Variants in BICD1 observed in about 807,000 individuals in gnomAD.
BICD1 encodes protein bicaudal D homolog 1.
BICD1 carries 35 observed loss-of-function variants against 92.5 expected under a neutral mutation model. The ratio of observed to expected loss-of-function variants is 0.38; its 90% CI spans 0.29 to 0.50. The LOEUF (loss-of-function observed/expected upper bound fraction) is 0.50, where lower values mean the gene tolerates loss of function less well. Ranked by LOEUF, BICD1 falls within the 20% of genes least tolerant of loss-of-function variation. The pLI is 0.93. For synonymous variants in BICD1, 429 were observed against 465.1 expected (o/e 0.92, Z 1.00); for missense variants, 950 against 1,189.8 (o/e 0.80, Z 2.97).
chr12:32,262,586 A>G (rs1946886091), intron 2 of BICD1, among the ~76,000 whole-genome samples: 2 of 152,358 alleles, frequency 1.3e-5, no homozygotes, highest in South Asian at 4.1e-4. Context: ...TGCCAATGTA[A>G]TTAAGATAAG....
intron 1 of BICD1, among the ~76,000 whole-genome samples, chr12:32,172,591 A>G (rs1480865950): frequency 6.6e-6 from 1 of 152,178 alleles, no homozygotes; most frequent in Non-Finnish European, 1.5e-5. Context: ...AGGAGTGGAA[A>G]GCTCCCAAGA....
intron 1 of BICD1, among the ~76,000 whole-genome samples, chr12:32,116,684 AT>A (rs60228795): frequency 0.38 from 56,344 of 146,846 alleles, 10,882 homozygotes; most frequent in Middle Eastern, 0.46. Flanking sequence ...TATGCTGGCT[AT>A]TTTTTTTTTT....
rs189526960 is a variant in BICD1 at position 32,371,313 on chromosome 12, T to A, written c.2840+3568T>A. 6.4e-4 allele frequency among the ~76,000 whole-genome samples: 98 copies of A among 152,296 alleles called. 2 individuals carry two copies. Among genetic ancestry groups the A allele is most frequent in the Admixed American group, 6.2e-3 (95 of 15,298 alleles). On this transcript the variant is annotated intron_variant, in intron 9 of 9. Coordinates refer to ENST00000652176, the MANE Select transcript of BICD1 (RefSeq NM_001714.4). ...AATGCATATAGATCTGAAAAGACTC[T>A]TTTCCAAAATTGCTGGGATGATGAC...
intron 1 of BICD1, among the ~76,000 whole-genome samples, chr12:32,197,618 C>A (rs375258732): frequency 6.6e-6 from 1 of 152,102 alleles, no homozygotes; most frequent in Non-Finnish European, 1.5e-5. Flanking sequence ...CCTTGACAAC[C>A]AATTAATATG....
At chr12:32,220,156 C>G (rs1400290270) in intron 2 of BICD1, among the ~76,000 whole-genome samples, 3 of 152,054 alleles carry the variant, frequency 2.0e-5, no homozygotes, top group Admixed American at 6.6e-5. Context: ...GAAAACCTAG[C>G]CATTACCATT....
intron 2 of BICD1, among the ~76,000 whole-genome samples, chr12:32,258,524 C>T (rs1257309543): frequency 7.2e-5 from 11 of 151,738 alleles, no homozygotes; most frequent in Middle Eastern, 3.4e-3. Flanking sequence ...ACAGCTGGGC[C>T]CGGGGGACCA....
At position 32,107,589 on chromosome 12, in the gene BICD1, C is replaced by A. The variant is rs750061644; in HGVS notation, c.213+45C>A. 1.1e-5 allele frequency: 17 copies of A among 1,531,420 alleles called. 1 individual carries two copies. Among genetic ancestry groups the A allele is most frequent in the Non-Finnish European group, 1.4e-5 (16 of 1,133,358 alleles). The allele number at this position is 1,531,420 out of a possible 1,614,324, so 94.9% of individuals were successfully genotyped here. A position where few individuals can be genotyped will look rare whatever the true frequency, so the allele number is the denominator to read the frequency against. Reference sequence around the variant, plus strand: ...TCCCTTTCCTGGCCCTCACTCCCCCCACCCGCAAGGCCCACTCATCATGAT... The same window carrying A: ...TCCCTTTCCTGGCCCTCACTCCCCCAACCCGCAAGGCCCACTCATCATGAT... On this transcript the variant is annotated intron_variant, in intron 1 of 9. Transcript: ENST00000652176.
At chr12:32,318,932 A>G (rs1467395149) in intron 4 of BICD1, among the ~76,000 whole-genome samples, 1 of 152,046 alleles carries the variant, frequency 6.6e-6, no homozygotes, top group Non-Finnish European at 1.5e-5. Flanking sequence ...TTTATTTTTC[A>G]TTTTTCACTG....
Position 32,216,339 on chromosome 12 carries a change from G to C in BICD1, c.306G>C (p.Glu102Asp). 6.2e-7 allele frequency: 1 copy of C among 1,614,196 alleles called. No individual in the cohort carries two copies. Among genetic ancestry groups the C allele is most frequent in the Non-Finnish European group, 8.5e-7 (1 of 1,180,040 alleles). ...TTCTGCAGGAGTCAGCATCGAAGGA[G>C]GCTTACTATCTGGGGAAGATCTTGG... Reference protein sequence around the residue: ...ETLLQESASKEAYYLGKILEM... With the variant: ...ETLLQESASKDAYYLGKILEM... The change falls in exon 2 of 10, where the codon GAG becomes GAC. Residue 102 changes from glutamate (E) to aspartate (D), a missense_variant. Physicochemically the swap from Glu to Asp is conservative, Grantham distance 45. Coordinates refer to ENST00000652176, the MANE Select transcript of BICD1 (RefSeq NM_001714.4).
At chr12:32,202,947 A>T (rs1944947886) in intron 1 of BICD1, among the ~76,000 whole-genome samples, 1 of 152,140 alleles carries the variant, frequency 6.6e-6, no homozygotes, top group Non-Finnish European at 1.5e-5. Flanking sequence ...GGTTTGGATG[A>T]TGTCAGGTAC....
At chr12:32,326,461 C>T (rs1413221767) in intron 4 of BICD1, among the ~76,000 whole-genome samples, 1 of 152,120 alleles carries the variant, frequency 6.6e-6, no homozygotes, top group Non-Finnish European at 1.5e-5. Context: ...CACGGTAATA[C>T]TTACATATCA....
At chr12:32,254,320 C>A (rs1209073074) in intron 2 of BICD1, among the ~76,000 whole-genome samples, 1 of 151,186 alleles carries the variant, frequency 6.6e-6, no homozygotes, top group Non-Finnish European at 1.5e-5. Context: ...TATTCACTGG[C>A]AGATCCCACC....
At chr12:32,163,280 T>C (rs958967850) in intron 1 of BICD1, among the ~76,000 whole-genome samples, 16 of 152,200 alleles carry the variant, frequency 1.1e-4, no homozygotes, top group African/African-American at 3.9e-4. Flanking sequence ...CATTTGAGGG[T>C]TTATTATGTA....
At chr12:32,322,629 C>T (rs1224148450) in intron 4 of BICD1, among the ~76,000 whole-genome samples, 3 of 152,128 alleles carry the variant, frequency 2.0e-5, no homozygotes, top group Admixed American at 6.5e-5. Flanking sequence ...GTTGGGGACT[C>T]CTGTTGTGTA....
In BICD1 at chr12:32,236,931, T is replaced by C. The variant is rs7958088; in HGVS notation, c.426+20472T>C. ...GCTCTGTTGCCCAGGCTGGAGTGCA[T>C]TGGCACAATCTCGGCTCACTGCAAG... On this transcript the variant is annotated intron_variant, in intron 2 of 9. Coordinates refer to ENST00000652176, the MANE Select transcript of BICD1 (RefSeq NM_001714.4). Among the ~76,000 whole-genome samples, 6 of 147,866 alleles carry C rather than the reference T, an allele frequency of 4.1e-5. No homozygotes were observed. In the East Asian group the frequency reaches 8.0e-4, roughly 20 times the overall value.
intron 2 of BICD1, among the ~76,000 whole-genome samples, chr12:32,250,924 C>T (rs1216954870): frequency 7.9e-5 from 12 of 152,038 alleles, no homozygotes; most frequent in Non-Finnish European, 1.8e-4. Context: ...GTCGAGGCTG[C>T]GGTGAGCTGT....
intron 9 of BICD1, among the ~76,000 whole-genome samples, chr12:32,373,797 T>C (rs1038716714): frequency 2.1e-4 from 32 of 151,682 alleles, no homozygotes; most frequent in African/African-American, 7.5e-4. Flanking sequence ...GGAGAATCAC[T>C]TGAACCCGGA....
intron 2 of BICD1, among the ~76,000 whole-genome samples, chr12:32,268,925 C>T (rs951518346): frequency 6.6e-6 from 1 of 152,196 alleles, no homozygotes; most frequent in Non-Finnish European, 1.5e-5. Context: ...TCTGGATGAG[C>T]TTCAACCGTT....
At chr12:32,141,855 A>T (rs1942931714) in intron 1 of BICD1, among the ~76,000 whole-genome samples, 1 of 152,122 alleles carries the variant, frequency 6.6e-6, no homozygotes, top group Non-Finnish European at 1.5e-5. Context: ...GTTCGTTGTA[A>T]GCTTCTTGAG....
Sources: gnomAD v4.1 joint callset for allele counts (sites outside exome capture counted in the v4.1 genomes callset) on GRCh38, gnomAD v4.1.1 for gene constraint, MANE v1.5 for transcripts, NCBI Gene and HGNC (gene_info 2026-07-23, HGNC 2026-07-21) for gene names.